The following DAGLA variants were observed in gnomAD, a reference collection of about 807,000 sequenced individuals.
DAGLA encodes diacylglycerol lipase alpha.
In DAGLA, 22 loss-of-function variants were observed where a neutral mutation model predicts 102.6. The observed-to-expected ratio is 0.21, with a 90% CI of 0.15 to 0.31. The LOEUF (loss-of-function observed/expected upper bound fraction) is 0.31, where lower values mean the gene tolerates loss of function less well. Ranked by LOEUF, DAGLA falls within the 10% of genes least tolerant of loss-of-function variation. DAGLA has a pLI of 1.00. For synonymous variants in DAGLA, 578 were observed against 628.9 expected, an observed-to-expected ratio of 0.92 and a Z score of 1.21; for missense variants, 927 against 1,446.6, an observed-to-expected ratio of 0.64 and a Z score of 5.83.
intron 1 of DAGLA, 105 bp downstream of exon 1, chr11:61,680,609 G>C (rs1259327672): frequency 6.7e-6 from 1 of 149,490 alleles, no homozygotes; most frequent in African/African-American, 2.4e-5. Flanking sequence ...CGGCCCGACG[G>C]GTCGGCGGGC....
chr11:61,737,583 C>G, intron 14 of DAGLA, 104 bp from the exon 15 acceptor site: 1 of 1,205,376 alleles, frequency 8.3e-7, no homozygotes, highest in South Asian at 1.3e-5. Flanking sequence ...GGGAGCCATC[C>G]CAGGAGTGCA....
intron 1 of DAGLA, 143 bp downstream of exon 1, chr11:61,680,647 G>A (rs2064933714): frequency 2.0e-5 from 3 of 151,014 alleles, no homozygotes; most frequent in African/African-American, 7.3e-5. Context: ...GCGCGCCCGT[G>A]GCAGGTGTGA....
At chr11:61,685,639 G>A (rs958402167) in intron 1 of DAGLA, among the ~76,000 whole-genome samples, 5 of 152,138 alleles carry the variant, frequency 3.3e-5, no homozygotes, top group Non-Finnish European at 7.3e-5. Context: ...AAAATCTGTT[G>A]AGAAGATATA....
chr11:61,727,873 C>T (rs550451251), intron 6 of DAGLA, among the ~76,000 whole-genome samples: 1 of 152,344 alleles, frequency 6.6e-6, no homozygotes, highest in Admixed American at 6.5e-5. Context: ...AAGTTGGCGC[C>T]TGCTCTTGGT....
chr11:61,712,072 G>GC (rs1005796223), intron 1 of DAGLA, among the ~76,000 whole-genome samples: 2 of 152,160 alleles, frequency 1.3e-5, no homozygotes, highest in African/African-American at 4.8e-5. Context: ...GGCTGGCATT[G>GC]CCCCCAAGTC....
Position 61,744,527 on chromosome 11 carries a change from C to G in DAGLA, c.*38C>G, listed in dbSNP as rs1283390091. 3 of 1,503,606 alleles carry G rather than the reference C, an allele frequency of 2.0e-6. No homozygotes were observed. The highest frequency in any genetic ancestry group is 2.8e-5 in the African/African-American group (2 of 71,692). 93.1% of individuals were successfully genotyped at this position (1,503,606 alleles called of 1,614,324 possible). A position where few individuals can be genotyped will look rare whatever the true frequency, so the allele number is the denominator to read the frequency against. On this transcript the variant is annotated 3_prime_UTR_variant, in exon 20 of 20. Coordinates refer to ENST00000257215, the MANE Select transcript of DAGLA (RefSeq NM_006133.3). ...GTGGCCAGCCGGGCCCAGGCAGGAG[C>G]AGGTGGCCCTGTGGGCACCTGGTGC...
intron 3 of DAGLA, among the ~76,000 whole-genome samples, chr11:61,722,456 G>C (rs1004515311): frequency 2.6e-5 from 4 of 152,150 alleles, no homozygotes; most frequent in Non-Finnish European, 4.4e-5. Context: ...CCTGGTGGTG[G>C]GTGCGTGTAA....
At chr11:61,682,122 T>C (rs780351588) in intron 1 of DAGLA, among the ~76,000 whole-genome samples, 6 of 152,204 alleles carry the variant, frequency 3.9e-5, no homozygotes, top group African/African-American at 1.2e-4. Context: ...CACTGTCCGA[T>C]GCCTTTGGAG....
intron 1 of DAGLA, among the ~76,000 whole-genome samples, chr11:61,705,545 A>G (rs1310282446): frequency 6.6e-6 from 1 of 152,172 alleles, no homozygotes; most frequent in Non-Finnish European, 1.5e-5. Flanking sequence ...TCCTTCAGAA[A>G]CAGCTCCAGC....
Position 61,741,200 on chromosome 11 carries a change from C to T in DAGLA, c.2022C>T (p.Leu674=). 6 of 1,613,606 alleles carry T rather than the reference C, an allele frequency of 3.7e-6. No homozygotes were observed. The highest frequency in any genetic ancestry group is 5.1e-6 in the Non-Finnish European group (6 of 1,180,010). ...ENYNKGKTAL[L]SAAKVMVSPT... is the part of the protein sequence containing the mutation. ...ACAACAAGGGGAAGACCGCTCTGCTCTCTGCAGCCAAGGTCATGGTGAGCC... is the reference window on the plus strand; with the variant it reads ...ACAACAAGGGGAAGACCGCTCTGCTTTCTGCAGCCAAGGTCATGGTGAGCC... The change falls in exon 19 of 20, where the codon CTC becomes CTT. Residue 674 remains leucine, a synonymous_variant. Coordinates refer to ENST00000257215, the MANE Select transcript of DAGLA (RefSeq NM_006133.3).
At chr11:61,697,263 C>T (rs1222484635) in intron 1 of DAGLA, among the ~76,000 whole-genome samples, 1 of 152,192 alleles carries the variant, frequency 6.6e-6, no homozygotes. Flanking sequence ...TTGGTAGGCC[C>T]AACCCTACCC....
At position 61,686,039 on chromosome 11, in the gene DAGLA, C is replaced by T. The variant is rs935534110; in HGVS notation, c.-45+5535C>T. Among the ~76,000 whole-genome samples the T allele has an allele frequency of 6.6e-6, 1 of 152,144 alleles. No homozygotes were observed. Among genetic ancestry groups the T allele is most frequent in the African/African-American group, 2.4e-5 (1 of 41,414 alleles). ...CAAGGGTTTGGAGGCTGGTGCCACC[C>T]ACCAGGAAGAGTGGTATGGCAGCAG... On this transcript the variant is annotated intron_variant, in intron 1 of 19. Transcript: ENST00000257215. The surrounding 1 kb of genome is among the most constrained non-coding windows in gnomAD (Gnocchi z 5.2).
intron 1 of DAGLA, among the ~76,000 whole-genome samples, chr11:61,702,568 T>G (rs2065117676): frequency 6.6e-6 from 1 of 152,210 alleles, no homozygotes; most frequent in Non-Finnish European, 1.5e-5. Context: ...ACTGAGTCTC[T>G]TAGAAGAGAA....
chr11:61,737,621 C>A, intron 14 of DAGLA, 66 bp from the exon 15 acceptor site: 2 of 1,468,480 alleles, frequency 1.4e-6, no homozygotes, highest in South Asian at 2.3e-5. Context: ...TGGCTGGGCC[C>A]CCCGATTCCG....
chr11:61,725,908 A>G, intron 5 of DAGLA, 87 bp from the exon 6 acceptor site: 1 of 1,261,144 alleles, frequency 7.9e-7, no homozygotes, highest in Non-Finnish European at 1.1e-6. Context: ...TCCTGGGAAC[A>G]GCCTGCCCTG....
Position 61,744,046 on chromosome 11 carries a change from G to A in DAGLA, c.2686G>A (p.Ala896Thr). The A allele has an allele frequency of 6.2e-6, 10 of 1,612,652 alleles. No homozygotes were observed. Among genetic ancestry groups the A allele is most frequent in the Non-Finnish European group, 8.5e-6 (10 of 1,179,890 alleles). Residue 896 changes from alanine to threonine, a missense_variant, in exon 20 of 20, where the codon GCG (alanine) becomes ACG (threonine). Ala to Thr is a moderately conservative substitution (Grantham distance 58). Around this residue, in one of 4 missense-constraint regions of DAGLA, gnomAD observed 434 missense variants for 503.3 expected, o/e 0.86. Coordinates refer to ENST00000257215, the MANE Select transcript of DAGLA (RefSeq NM_006133.3). ...GGGPASRGEL[A>T]LHNGRLGDSP... ...CGGGCCGGCCTCCCGCGGGGAGCTGGCGCTGCACAATGGGCGCCTGGGGGA... is the reference window on the plus strand; with the variant it reads ...CGGGCCGGCCTCCCGCGGGGAGCTGACGCTGCACAATGGGCGCCTGGGGGA...
At chr11:61,736,231 G>A in intron 12 of DAGLA, 39 bp from the exon 13 acceptor site, 3 of 1,561,660 alleles carry the variant, frequency 1.9e-6, no homozygotes, top group Non-Finnish European at 2.6e-6. Context: ...TCACTGGGAG[G>A]CCTCCCACCA....
At chr11:61,724,214 A>G (rs1002056062) in intron 5 of DAGLA, among the ~76,000 whole-genome samples, 8 of 152,178 alleles carry the variant, frequency 5.3e-5, no homozygotes, top group African/African-American at 1.9e-4. Context: ...GTGCCATGGC[A>G]GACAAAATGA....
chr11:61,686,994 G>A lies in DAGLA; in HGVS notation c.-45+6490G>A, dbSNP rs997492035. On this transcript the variant is annotated intron_variant, in intron 1 of 19. Transcript: ENST00000257215. This position sits in a 1 kb window ranked among gnomAD's most constrained non-coding sequence, Gnocchi z 5.2. ...TTGGGGTCAGGGAGGGCACCAGGGC[G>A]TGTCTTTAGGAGGCTTTGCTCAGCC... is the stretch of plus-strand genomic sequence containing the variant. 6.6e-6 allele frequency among the ~76,000 whole-genome samples: 1 copy of A among 152,128 alleles called. No individual in the cohort carries two copies. Among genetic ancestry groups the A allele is most frequent in the East Asian group, 1.9e-4 (1 of 5,192 alleles).
Sources: gnomAD v4.1 joint callset for allele counts (sites outside exome capture counted in the v4.1 genomes callset) on GRCh38, gnomAD v4.1.1 for gene constraint, gnomAD v4.1.1 regional missense constraint, Gnocchi (gnomAD v3.1) non-coding constraint, MANE v1.5 for transcripts, NCBI Gene and HGNC (gene_info 2026-07-23, HGNC 2026-07-21) for gene names.